The following MYO18B variants were observed in gnomAD, a reference collection of about 807,000 sequenced individuals.
The protein encoded by MYO18B is myosin XVIIIB, also known as unconventional myosin-XVIIIb.
MYO18B carries 204 observed loss-of-function variants against 273.0 expected under a neutral mutation model. That is an observed-to-expected ratio of 0.75 (90% CI 0.67 to 0.84). The LOEUF (loss-of-function observed/expected upper bound fraction) is 0.84, where lower values mean the gene tolerates loss of function less well. MYO18B is among the 40% of genes least tolerant of loss of function. The pLI, the probability that MYO18B is intolerant of heterozygous loss-of-function variation, is 0.00. For synonymous variants in MYO18B, 1,330 were observed against 1,305.7 expected, an observed-to-expected ratio of 1.02 and a Z score of -0.40; for missense variants, 3,212 against 3,287.6, an observed-to-expected ratio of 0.98 and a Z score of 0.56.
chr22:25,900,108 A>G (rs1348174418), intron 29 of MYO18B, among the ~76,000 whole-genome samples: 3 of 152,106 alleles, frequency 2.0e-5, no homozygotes, highest in African/African-American at 7.2e-5. Context: ...CCAGGCACTT[A>G]TGAATCTCCC....
chr22:25,847,703 C>T, intron 20 of MYO18B, 51 bp downstream of exon 20: 2 of 1,412,642 alleles, frequency 1.4e-6, no homozygotes, highest in South Asian at 1.3e-5. Flanking sequence ...TGGGACATGT[C>T]CACCCACCAG....
rs112644216 is a variant in MYO18B, at chr22:26,024,916, C to G, written c.6471-1529C>G. On this transcript the variant is annotated intron_variant, in intron 42 of 43. Transcript: ENST00000335473. Reference sequence around the variant, plus strand: ...TTCTAGAGGCTGGGAAATCTAAGATCAAGGTGCTGGCAGTTACATTTGTTG... The same window carrying G: ...TTCTAGAGGCTGGGAAATCTAAGATGAAGGTGCTGGCAGTTACATTTGTTG... Among the ~76,000 whole-genome samples the G allele has an allele frequency of 4.3e-3, 656 of 152,266 alleles. 6 individuals carry two copies. The highest frequency in any genetic ancestry group is 0.015 in the African/African-American group (612 of 41,534).
In MYO18B at chr22:25,883,092, T is replaced by A. The variant is rs1209407280; in HGVS notation, c.4314+5044T>A. Among the ~76,000 whole-genome samples the A allele has an allele frequency of 4.0e-5, 6 of 151,544 alleles. No individual in the cohort carries two copies. In the East Asian group the frequency reaches 1.2e-3, roughly 29 times the overall value. On this transcript the variant is annotated intron_variant, in intron 25 of 43. Transcript: ENST00000335473. The surrounding 1 kb of genome is among the most constrained non-coding windows in gnomAD (Gnocchi z 7.6). ...TTTTCAATTTTGGTAGAGATGGGGG[T>A]CTCACTTTGTTGCCCAGGTTGGTCT...
intron 12 of MYO18B, among the ~76,000 whole-genome samples, chr22:25,814,896 G>A (rs752532168): frequency 4.6e-5 from 7 of 152,236 alleles, no homozygotes; most frequent in Non-Finnish European, 1.0e-4. Context: ...AAGGCTCAGA[G>A]AAGTAAAGTA....
chr22:25,901,309 G>A (rs1212947590), intron 29 of MYO18B: 1 of 152,252 alleles, frequency 6.6e-6, no homozygotes, highest in Non-Finnish European at 1.5e-5. Flanking sequence ...CTGGAACAAT[G>A]GGACTTCCTG....
At chr22:25,896,967 C>T (rs1048811389) in intron 28 of MYO18B, 4 of 152,176 alleles carry the variant, frequency 2.6e-5, no homozygotes, top group African/African-American at 9.7e-5. Context: ...TTTTTCTTCT[C>T]CTTCCAAAAA....
At chr22:25,897,536 G>C (rs949597194) in intron 28 of MYO18B, 1 of 152,104 alleles carries the variant, frequency 6.6e-6, no homozygotes, top group Non-Finnish European at 1.5e-5. Flanking sequence ...CTGATGAAGG[G>C]GGATATTTAT....
chr22:26,035,571 G>A (rs1364628412), downstream of MYO18B, among the ~76,000 whole-genome samples: 1 of 152,180 alleles, frequency 6.6e-6, no homozygotes, highest in South Asian at 2.1e-4. Flanking sequence ...CGTAAGCAAT[G>A]AATTCCTGAT....
intron 34 of MYO18B, among the ~76,000 whole-genome samples, chr22:25,928,053 C>T (rs892553137): frequency 2.0e-5 from 3 of 152,100 alleles, no homozygotes; most frequent in South Asian, 2.1e-4. Flanking sequence ...AGGGCAGAGG[C>T]ACACAGAGAC....
chr22:25,832,946 G>A lies in MYO18B; in HGVS notation c.3009G>A (p.Pro1003=), dbSNP rs34414355. Residue 1003 remains proline (P), a synonymous_variant, in exon 16 of 44, where the codon CCG becomes CCA. Transcript: ENST00000335473. ...EEGVPVQFDL[P]DPSPGTTVAV... ...GTGTTCCTGTGCAGTTTGACCTCCC[G>A]GACCCCTCCCCAGGGACCACCGTGG... The A allele has an allele frequency of 0.02, 31,501 of 1,613,574 alleles. 418 individuals are homozygous for A. The highest frequency in any genetic ancestry group is 0.032 in the Middle Eastern group (194 of 6,062).
rs267606196 is a variant in MYO18B at position 25,769,031 on chromosome 22, G to T, written c.1115G>T (p.Gly372Val). The T allele has an allele frequency of 3.7e-6, 6 of 1,611,650 alleles. No homozygotes were observed. In the Admixed American group the frequency reaches 8.4e-5, roughly 23 times the overall value. The change falls in exon 4 of 44, where the codon GGG (glycine) becomes GTG (valine). Residue 372 changes from glycine to valine, a missense_variant. Physicochemically the swap from Gly to Val is moderately radical, Grantham distance 109 (BLOSUM62 -3). Coordinates refer to ENST00000335473, the MANE Select transcript of MYO18B (RefSeq NM_032608.7). ...GAGTTGGGGGACGATCTGAGAATGGGGGAGAAAGCAGGTGAGCTTCGGAGC... is the reference window on the plus strand; with the variant it reads ...GAGTTGGGGGACGATCTGAGAATGGTGGAGAAAGCAGGTGAGCTTCGGAGC... ...QGELGDDLRM[G>V]EKAGELRSTT...
intron 29 of MYO18B, chr22:25,901,093 T>C (rs921928836): frequency 6.6e-6 from 1 of 152,232 alleles, no homozygotes; most frequent in African/African-American, 2.4e-5. Context: ...CAGCAAATAG[T>C]GCCCCTTGAA....
chr22:25,979,041 G>A (rs1408566495), intron 39 of MYO18B, among the ~76,000 whole-genome samples: 1 of 152,334 alleles, frequency 6.6e-6, no homozygotes, highest in South Asian at 2.1e-4. Context: ...GCAAGAGATT[G>A]TATTGATGAG....
the MYO18B span, among the ~76,000 whole-genome samples, chr22:26,037,059 G>A: frequency 7.8e-5 from 6 of 77,062 alleles, no homozygotes; most frequent in South Asian, 3.7e-4. Context: ...AGTGTAGATC[G>A]TGCTTTCCTA....
At chr22:25,967,472 T>A (rs1413397825) in intron 39 of MYO18B, among the ~76,000 whole-genome samples, 1 of 152,098 alleles carries the variant, frequency 6.6e-6, no homozygotes, top group East Asian at 1.9e-4. Context: ...TATAATTCGG[T>A]TTGAAGGGTA....
intron 26 of MYO18B, 117 bp from the exon 27 acceptor site, chr22:25,891,187 T>A: frequency 1.3e-6 from 1 of 788,690 alleles, no homozygotes; most frequent in Non-Finnish European, 2.0e-6. Context: ...GGATTCTGCA[T>A]GGCTCAGGGC....
chr22:26,034,910 C>T (rs563943740), downstream of MYO18B, among the ~76,000 whole-genome samples: 12 of 152,326 alleles, frequency 7.9e-5, no homozygotes, highest in Admixed American at 3.3e-4. Flanking sequence ...GTCCTGAGCA[C>T]GGTTGCAGGC....
At chr22:25,991,946 C>T (rs1420510370) in intron 39 of MYO18B, among the ~76,000 whole-genome samples, 1 of 152,186 alleles carries the variant, frequency 6.6e-6, no homozygotes, top group Non-Finnish European at 1.5e-5. Context: ...TCCCCATGAC[C>T]TCCTGCACCA....
At chr22:26,039,688 G>A in the MYO18B span, among the ~76,000 whole-genome samples, 1 of 152,028 alleles carries the variant, frequency 6.6e-6, no homozygotes, top group African/African-American at 2.4e-5. Context: ...AGGTTACATG[G>A]ATAAGTTCGT....
Sources: gnomAD v4.1 joint callset for allele counts (sites outside exome capture counted in the v4.1 genomes callset) on GRCh38, gnomAD v4.1.1 for gene constraint, Gnocchi (gnomAD v3.1) non-coding constraint, MANE v1.5 for transcripts, NCBI Gene and HGNC (gene_info 2026-07-23, HGNC 2026-07-21) for gene names.